The following DEPTOR variants were observed in gnomAD, a reference collection of about 807,000 sequenced individuals.
DEPTOR encodes DEP domain containing MTOR interacting protein, also known as DEP domain-containing mTOR-interacting protein.
A neutral mutation model predicts 41.6 loss-of-function variants in DEPTOR; 41 were observed. That is an observed-to-expected ratio of 0.98 (90% CI 0.77 to 1.28). The LOEUF is 1.28. Ranked by LOEUF, DEPTOR falls within the 50% of genes most tolerant of loss-of-function variation. The pLI is 0.00. For synonymous variants in DEPTOR, 195 were observed against 192.3 expected, an observed-to-expected ratio of 1.01 and a Z score of -0.12; for missense variants, 514 against 527.9, an observed-to-expected ratio of 0.97 and a Z score of 0.26.
At chr8:120,014,849 T>C (rs1812585505) in intron 8 of DEPTOR, among the ~76,000 whole-genome samples, 1 of 152,100 alleles carries the variant, frequency 6.6e-6, no homozygotes, top group African/African-American at 2.4e-5. Flanking sequence ...GGTTACAGTA[T>C]AATGAATATT....
In DEPTOR at chr8:120,049,605, G is replaced by T. The variant is rs749446875; in HGVS notation, c.1131G>T (p.Gly377=). The T allele has an allele frequency of 6.2e-7, 1 of 1,613,626 alleles. No homozygotes were observed. The highest frequency in any genetic ancestry group is 1.1e-5 in the South Asian group (1 of 91,014). Residue 377 remains glycine (G), a synonymous_variant, in exon 9 of 9, where the codon GGG becomes GGT. Coordinates refer to ENST00000286234, the MANE Select transcript of DEPTOR (RefSeq NM_022783.4). ...GTCAGTTTGTCGTCTCTGTCAACGG[G>T]CTCAATGTCCTGCATGTAGACTACC... ...KVCQFVVSVN[G]LNVLHVDYRT...
intron 8 of DEPTOR, among the ~76,000 whole-genome samples, chr8:120,043,663 T>C (rs1001812481): frequency 3.6e-4 from 55 of 152,152 alleles, no homozygotes; most frequent in African/African-American, 1.2e-3. Flanking sequence ...CAGCACTTAG[T>C]TGTGTGAACT....
At chr8:119,886,691 T>C (rs1014697587) in intron 1 of DEPTOR, among the ~76,000 whole-genome samples, 11 of 152,164 alleles carry the variant, frequency 7.2e-5, no homozygotes, top group African/African-American at 2.7e-4. Context: ...AGAAAAATAG[T>C]GTAACAAATT....
intron 3 of DEPTOR, among the ~76,000 whole-genome samples, chr8:119,946,591 G>A (rs867654179): frequency 2.6e-5 from 4 of 151,984 alleles, no homozygotes; most frequent in Non-Finnish European, 5.9e-5. Flanking sequence ...AAAGTTAGCC[G>A]GGTGTGGTGG....
intron 3 of DEPTOR, among the ~76,000 whole-genome samples, chr8:119,949,867 A>G (rs1439410733): frequency 6.6e-6 from 1 of 151,944 alleles, no homozygotes; most frequent in African/African-American, 2.4e-5. Flanking sequence ...TTTAGTAGAG[A>G]CAGGGTTTCA....
intron 8 of DEPTOR, among the ~76,000 whole-genome samples, chr8:120,025,354 C>T (rs1401703297): frequency 6.6e-6 from 1 of 152,084 alleles, no homozygotes; most frequent in Non-Finnish European, 1.5e-5. Flanking sequence ...TAATTCCACC[C>T]ACCATTTTTT....
chr8:119,899,943 T>A (rs946686712), intron 1 of DEPTOR, among the ~76,000 whole-genome samples: 1 of 152,196 alleles, frequency 6.6e-6, no homozygotes, highest in African/African-American at 2.4e-5. Context: ...CCAGAATTTG[T>A]TCTTGTTTCT....
At chr8:119,913,726 G>A (rs188427993) in intron 1 of DEPTOR, among the ~76,000 whole-genome samples, 2 of 152,256 alleles carry the variant, frequency 1.3e-5, no homozygotes, top group East Asian at 3.9e-4. Context: ...GGAAGCTGAG[G>A]TCTTAGTTGG....
At chr8:119,922,454 A>C (rs988717286) in intron 1 of DEPTOR, among the ~76,000 whole-genome samples, 1 of 152,122 alleles carries the variant, frequency 6.6e-6, no homozygotes, top group Non-Finnish European at 1.5e-5. Flanking sequence ...AATATTTTGC[A>C]TTCTGCCACT....
At chr8:120,000,003 C>T (rs575367589) in intron 4 of DEPTOR, among the ~76,000 whole-genome samples, 1 of 152,212 alleles carries the variant, frequency 6.6e-6, no homozygotes, top group Admixed American at 6.5e-5. Flanking sequence ...GAATAAGGGC[C>T]GTAGACTGTA....
intron 1 of DEPTOR, among the ~76,000 whole-genome samples, chr8:119,894,384 T>TTTTATTTATTTA (rs35523236): frequency 2.2e-5 from 1 of 46,412 alleles, no homozygotes; most frequent in Non-Finnish European, 6.3e-5. Flanking sequence ...AATAGTTCTT[T>TTTTATTTATTTA]TTTATTTATT....
chr8:120,032,656 T>C (rs1812910524), intron 8 of DEPTOR, among the ~76,000 whole-genome samples: 1 of 152,172 alleles, frequency 6.6e-6, no homozygotes, highest in Non-Finnish European at 1.5e-5. Context: ...GGAGCAGAAC[T>C]GCATGTGGAG....
intron 4 of DEPTOR, among the ~76,000 whole-genome samples, chr8:119,988,924 GT>G (rs1828863291): frequency 1.6e-5 from 2 of 128,976 alleles, no homozygotes; most frequent in South Asian, 5.1e-4. Flanking sequence ...TCAGAGCAAT[GT>G]TTTCTGTGCT....
chr8:119,908,006 G>A (rs568222802), intron 1 of DEPTOR, among the ~76,000 whole-genome samples: 2 of 152,268 alleles, frequency 1.3e-5, no homozygotes, highest in Non-Finnish European at 2.9e-5. Flanking sequence ...CTAGCCTCAT[G>A]ATGAGGCTGG....
At chr8:120,045,226 A>G (rs1249482434) in intron 8 of DEPTOR, among the ~76,000 whole-genome samples, 13 of 152,198 alleles carry the variant, frequency 8.5e-5, no homozygotes, top group Admixed American at 8.5e-4. Context: ...GACTGTCTTT[A>G]TGCCTAGGGT....
At chr8:120,031,259 G>C (rs970468962) in intron 8 of DEPTOR, among the ~76,000 whole-genome samples, 1 of 152,076 alleles carries the variant, frequency 6.6e-6, no homozygotes, top group Non-Finnish European at 1.5e-5. Flanking sequence ...CTGAGGTCAG[G>C]AGTTCAAGAC....
Position 120,003,059 on chromosome 8 carries a change from C to T in DEPTOR, c.873C>T (p.Ser291=). The stretch of plus-strand genomic sequence containing the variant: ...GCTGTGGCAGCAGCGGCTACTTCAG[C>T]AGCAGCCCCACCCTCAGCAGCAGCC... ...MSSCGSSGYF[S]SSPTLSSSPP... The change falls in exon 6 of 9, where the codon AGC becomes AGT. Residue 291 remains serine (S), a synonymous_variant. Coordinates refer to ENST00000286234, the MANE Select transcript of DEPTOR (RefSeq NM_022783.4). 1 of 1,612,446 alleles carries T rather than the reference C, an allele frequency of 6.2e-7. No individual in the cohort carries two copies. The highest frequency in any genetic ancestry group is 8.5e-7 in the Non-Finnish European group (1 of 1,179,630).
intron 1 of DEPTOR, among the ~76,000 whole-genome samples, chr8:119,889,110 G>A (rs1827413325): frequency 6.6e-6 from 1 of 151,880 alleles, no homozygotes. Flanking sequence ...ATAAAAACTG[G>A]GAAACATTAA....
At chr8:119,928,740 TTTC>T (rs1266087869) in intron 2 of DEPTOR, among the ~76,000 whole-genome samples, 162 bp downstream of exon 2, 5 of 120,974 alleles carry the variant, frequency 4.1e-5, no homozygotes, top group Admixed American at 4.1e-4. Flanking sequence ...ATTTGGGTTC[TTTC>T]TTTTTTTTTT....
Sources: gnomAD v4.1 joint callset for allele counts (sites outside exome capture counted in the v4.1 genomes callset) on GRCh38, gnomAD v4.1.1 for gene constraint, MANE v1.5 for transcripts, NCBI Gene and HGNC (gene_info 2026-07-23, HGNC 2026-07-21) for gene names.